Variants in CACNA1C observed in about 807,000 individuals in gnomAD.
The protein encoded by CACNA1C is voltage-dependent L-type calcium channel subunit alpha-1C.
A neutral mutation model predicts 229.0 loss-of-function variants in CACNA1C; 30 were observed. The observed-to-expected ratio is 0.13, with a 90% CI of 0.10 to 0.18. The LOEUF is 0.18. Ranked by LOEUF, CACNA1C falls within the 10% of genes least tolerant of loss-of-function variation. The pLI, the probability that CACNA1C is intolerant of heterozygous loss-of-function variation, is 1.00. For synonymous variants in CACNA1C, 1,114 were observed against 1,132.5 expected, an observed-to-expected ratio of 0.98 and a Z score of 0.33; for missense variants, 1,658 against 2,845.0, an observed-to-expected ratio of 0.58 and a Z score of 9.49.
intron 9 of CACNA1C, among the ~76,000 whole-genome samples, chr12:2,548,125 G>A (rs1169541137): frequency 6.6e-6 from 1 of 152,128 alleles, no homozygotes; most frequent in Non-Finnish European, 1.5e-5. Context: ...GGAAGACTGA[G>A]AGTGCTTCCA....
intron 3 of CACNA1C, among the ~76,000 whole-genome samples, chr12:2,162,923 T>C (rs951987074): frequency 6.6e-6 from 1 of 152,150 alleles, no homozygotes; most frequent in African/African-American, 2.4e-5. Flanking sequence ...TCTCTGCCCC[T>C]CATTTGCCCA....
chr12:2,209,032 C>T (rs921364514), intron 3 of CACNA1C, among the ~76,000 whole-genome samples: 1 of 152,162 alleles, frequency 6.6e-6, no homozygotes, highest in African/African-American at 2.4e-5. Context: ...CCGCAGAGCC[C>T]CGCGCCAGCT....
At chr12:2,534,541 A>AT (rs959411653) in intron 9 of CACNA1C, among the ~76,000 whole-genome samples, 19 of 151,792 alleles carry the variant, frequency 1.3e-4, no homozygotes, top group Non-Finnish European at 1.9e-4. Flanking sequence ...GTAGAGCTTA[A>AT]TTTTTTTTTC....
At chr12:2,157,241 A>G (rs917226470) in intron 3 of CACNA1C, among the ~76,000 whole-genome samples, 14 of 152,242 alleles carry the variant, frequency 9.2e-5, no homozygotes, top group Non-Finnish European at 1.9e-4. Flanking sequence ...AACATGCTTC[A>G]AAACATGTTG....
At chr12:2,069,944 A>G (rs2060614706) in intron 1 of CACNA1C, among the ~76,000 whole-genome samples, 1 of 152,158 alleles carries the variant, frequency 6.6e-6, no homozygotes, top group South Asian at 2.1e-4. Context: ...AGCTGGGACT[A>G]CAAGTGTCTG....
chr12:2,311,742 T>C (rs1357280898), intron 3 of CACNA1C, among the ~76,000 whole-genome samples: 2 of 152,228 alleles, frequency 1.3e-5, no homozygotes, highest in Non-Finnish European at 2.9e-5. Flanking sequence ...TGGCATCTCA[T>C]ACTTGCCTGA....
At chr12:2,473,578 A>G (rs2099604262) in intron 5 of CACNA1C, among the ~76,000 whole-genome samples, 1 of 152,208 alleles carries the variant, frequency 6.6e-6, no homozygotes, top group South Asian at 2.1e-4. Flanking sequence ...CTTTATTTGG[A>G]AAATAACAAC....
chr12:2,348,902 A>C lies in CACNA1C; in HGVS notation c.478-100074A>C, dbSNP rs1462140392. 1.3e-5 allele frequency among the ~76,000 whole-genome samples: 2 copies of C among 152,106 alleles called. No individual in the cohort carries two copies. The highest frequency in any genetic ancestry group is 2.9e-5 in the Non-Finnish European group (2 of 68,024). ...CCTTCAAAGTGAACCCAATTCCTAA[A>C]GTCCTCCTTAATGGAATTCCTCTTA... On this transcript the variant is annotated intron_variant, in intron 3 of 46. Coordinates refer to ENST00000399655, the MANE Select transcript of CACNA1C (RefSeq NM_000719.7). The surrounding 1 kb of genome is among the most constrained non-coding windows in gnomAD (Gnocchi z 4.7).
At chr12:2,383,766 A>G (rs2098312907) in intron 3 of CACNA1C, among the ~76,000 whole-genome samples, 1 of 152,256 alleles carries the variant, frequency 6.6e-6, no homozygotes, top group Admixed American at 6.5e-5. Flanking sequence ...CCTTTGCCCC[A>G]GTGAGAAGCC....
Position 2,540,575 on chromosome 12 carries a change from C to T in CACNA1C, c.1391-9368C>T, listed in dbSNP as rs375070193. Among the ~76,000 whole-genome samples the T allele has an allele frequency of 3.7e-4, 56 of 152,254 alleles. 1 individual carries two copies. In the East Asian group the frequency reaches 0.01, roughly 28 times the overall value. On this transcript the variant is annotated intron_variant, in intron 9 of 46. Coordinates refer to ENST00000399655, the MANE Select transcript of CACNA1C (RefSeq NM_000719.7). ...CCCCTCCACTGCTGTGGTGTGAGAG[C>T]GGTGATAGACAGCACACACAGGGCA...
intron 3 of CACNA1C, among the ~76,000 whole-genome samples, chr12:2,173,526 T>A (rs1403185197): frequency 6.6e-6 from 1 of 152,214 alleles, no homozygotes; most frequent in Admixed American, 6.5e-5. Flanking sequence ...TTATGATCTA[T>A]GAGATGTATA....
chr12:2,217,609 T>C (rs1205931036), intron 3 of CACNA1C: 1 of 152,254 alleles, frequency 6.6e-6, no homozygotes, highest in Non-Finnish European at 1.5e-5. Flanking sequence ...TCTTACTTTC[T>C]ATGATGGCTT....
intron 1 of CACNA1C, among the ~76,000 whole-genome samples, chr12:2,066,294 G>T (rs1234048169): frequency 6.6e-6 from 1 of 152,140 alleles, no homozygotes; most frequent in Non-Finnish European, 1.5e-5. Flanking sequence ...AAGCTGTGGA[G>T]GTGGAGCCAT....
chr12:2,353,214 G>A (rs1011577941), intron 3 of CACNA1C, among the ~76,000 whole-genome samples: 4 of 152,184 alleles, frequency 2.6e-5, no homozygotes, highest in Non-Finnish European at 4.4e-5. Context: ...GAGTCTGGCA[G>A]GTGGGTAGAA....
In CACNA1C at chr12:2,669,030, C is replaced by T; in HGVS notation, c.4721C>T (p.Thr1574Ile). The T allele has an allele frequency of 6.2e-7, 1 of 1,610,734 alleles. No individual in the cohort carries two copies. The highest frequency in any genetic ancestry group is 8.5e-7 in the Non-Finnish European group (1 of 1,176,872). Residue 1574 changes from threonine (T) to isoleucine (I), a missense_variant, in exon 38 of 47, where the codon ACA becomes ATA. Coordinates refer to ENST00000399655, the MANE Select transcript of CACNA1C (RefSeq NM_000719.7). ...GTCAGGACGGCCCTGAGGATCAAAA[C>T]AGAAGGTAAGGTCGCCCGTGGGCAC... ...ALVRTALRIK[T>I]EGNLEQANEE...
At chr12:2,284,962 C>T (rs2092385749) in intron 3 of CACNA1C, among the ~76,000 whole-genome samples, 1 of 152,214 alleles carries the variant, frequency 6.6e-6, no homozygotes, top group Non-Finnish European at 1.5e-5. Flanking sequence ...TTTCATTTCT[C>T]CAGCCTGCCC....
At chr12:2,076,848 G>A (rs1310010426) in intron 1 of CACNA1C, among the ~76,000 whole-genome samples, 3 of 152,202 alleles carry the variant, frequency 2.0e-5, no homozygotes, top group African/African-American at 7.2e-5. Flanking sequence ...ACACGCAGTT[G>A]CTGTGTGTGA....
intron 3 of CACNA1C, among the ~76,000 whole-genome samples, chr12:2,222,924 A>G (rs1231678854): frequency 6.6e-6 from 1 of 152,222 alleles, no homozygotes; most frequent in Non-Finnish European, 1.5e-5. Flanking sequence ...GGAGGTGCCC[A>G]TTGGAATAAG....
rs1014829128 is a variant in CACNA1C, at chr12:2,185,425, G to A, written c.477+64995G>A. 3.9e-5 allele frequency among the ~76,000 whole-genome samples: 6 copies of A among 152,352 alleles called. No individual in the cohort carries two copies. The East Asian group carries it at 7.7e-4, about 20-fold the overall frequency. ...TGAGTTGGGTCCCCCCAAAACTCAT[G>A]TGTTGAAGCCCTGTCTCCTGTACTT... On this transcript the variant is annotated intron_variant, in intron 3 of 46. Coordinates refer to ENST00000399655, the MANE Select transcript of CACNA1C (RefSeq NM_000719.7).
Sources: gnomAD v4.1 joint callset for allele counts (sites outside exome capture counted in the v4.1 genomes callset) on GRCh38, gnomAD v4.1.1 for gene constraint, Gnocchi (gnomAD v3.1) non-coding constraint, MANE v1.5 for transcripts, NCBI Gene and HGNC (gene_info 2026-07-23, HGNC 2026-07-21) for gene names.